The following SLC35F3 variants were observed in gnomAD, a reference collection of about 807,000 sequenced individuals.
SLC35F3 encodes putative thiamine transporter SLC35F3.
A neutral mutation model predicts 49.9 loss-of-function variants in SLC35F3; 25 were observed. The observed-to-expected ratio is 0.50, with a 90% CI of 0.37 to 0.70. The LOEUF is 0.70. SLC35F3 is among the 30% of genes least tolerant of loss of function. SLC35F3 has a pLI of 0.00. For missense variants in SLC35F3, 525 were observed against 639.8 expected (o/e 0.82, Z 1.94); for synonymous variants, 275 against 265.4 (o/e 1.04, Z -0.35).
At chr1:234,283,095 A>T (rs1024071595) in intron 3 of SLC35F3, among the ~76,000 whole-genome samples, 1 of 152,216 alleles carries the variant, frequency 6.6e-6, no homozygotes, top group African/African-American at 2.4e-5. Context: ...GCACATGAGT[A>T]GCATCAGGGC....
intron 3 of SLC35F3, among the ~76,000 whole-genome samples, chr1:234,269,250 C>CA (rs1475714640): frequency 1.3e-5 from 2 of 151,790 alleles, no homozygotes; most frequent in East Asian, 1.9e-4. Context: ...TTAACAGAAG[C>CA]AAAAAAGGGG....
intron 2 of SLC35F3, among the ~76,000 whole-genome samples, chr1:233,993,922 G>GA (rs1663408378): frequency 6.6e-6 from 1 of 152,202 alleles, no homozygotes; most frequent in Non-Finnish European, 1.5e-5. Flanking sequence ...AAATGAATCA[G>GA]AGTGAGGTGT....
Position 234,214,695 on chromosome 1 carries a change from G to A in SLC35F3, c.284-16722G>A, listed in dbSNP as rs370251028. The A allele has an allele frequency of 1.5e-6, 2 of 1,328,596 alleles. No homozygotes were observed. The highest frequency in any genetic ancestry group is 2.0e-6 in the Non-Finnish European group (2 of 1,012,618). 82.3% of individuals were successfully genotyped at this position (1,328,596 alleles called of 1,614,324 possible). On this transcript the variant is annotated intron_variant, in intron 2 of 7. Transcript: ENST00000366618. This position sits in a 1 kb window ranked among gnomAD's most constrained non-coding sequence, Gnocchi z 8.0. ...TGGGGGTACTGCTCCCCCAGGACGC[G>A]GCTCCGCAGTGCAGAGCGCCGCCGC...
chr1:234,058,572 T>C (rs754105275), intron 2 of SLC35F3, among the ~76,000 whole-genome samples: 18 of 152,116 alleles, frequency 1.2e-4, no homozygotes, highest in Non-Finnish European at 2.5e-4. Flanking sequence ...TCAGAACTTC[T>C]GGCCTGAAAT....
chr1:234,321,250 A>T (rs1471376813), intron 7 of SLC35F3, among the ~76,000 whole-genome samples: 1 of 152,092 alleles, frequency 6.6e-6, no homozygotes, highest in Non-Finnish European at 1.5e-5. Flanking sequence ...GGCCTGGGGG[A>T]GGTGTCAGGA....
At chr1:234,267,533 C>T (rs1280424326) in intron 3 of SLC35F3, among the ~76,000 whole-genome samples, 10 of 148,442 alleles carry the variant, frequency 6.7e-5, no homozygotes, top group Middle Eastern at 3.5e-3. Context: ...CCCTCCCGGA[C>T]GGGGCGGCTG....
At chr1:233,964,645 A>G (rs1357322176) in intron 2 of SLC35F3, among the ~76,000 whole-genome samples, 6 of 152,224 alleles carry the variant, frequency 3.9e-5, no homozygotes, top group Admixed American at 2.0e-4. Flanking sequence ...AGAGCTAAAC[A>G]ATGGGAGAAG....
intron 2 of SLC35F3, among the ~76,000 whole-genome samples, chr1:234,143,425 A>T (rs952302081): frequency 2.0e-5 from 3 of 151,454 alleles, no homozygotes; most frequent in Admixed American, 2.0e-4. Flanking sequence ...AGTAGCTGGG[A>T]TTATAGGTGC....
chr1:233,998,637 A>G (rs746913303), intron 2 of SLC35F3, among the ~76,000 whole-genome samples: 4 of 151,894 alleles, frequency 2.6e-5, no homozygotes, highest in Non-Finnish European at 4.4e-5. Context: ...GAACTGTTCA[A>G]CTCAGTAGAC....
chr1:234,072,602 A>C (rs12122865), intron 2 of SLC35F3, among the ~76,000 whole-genome samples: 1,919 of 152,294 alleles, frequency 0.013, 26 homozygotes, highest in Non-Finnish European at 0.018. Flanking sequence ...AGTATCTCTG[A>C]TGTGAAGATA....
intron 2 of SLC35F3, among the ~76,000 whole-genome samples, chr1:233,951,258 G>C (rs1197950579): frequency 1.3e-5 from 2 of 151,946 alleles, no homozygotes; most frequent in African/African-American, 4.8e-5. Flanking sequence ...CTATCACCTA[G>C]TGACATCATA....
At chr1:234,012,121 T>C (rs184806362) in intron 2 of SLC35F3, among the ~76,000 whole-genome samples, 95 of 152,350 alleles carry the variant, frequency 6.2e-4, no homozygotes, top group Non-Finnish European at 1.2e-3. Flanking sequence ...GGAGGCACTA[T>C]GCCTGGATGT....
At chr1:233,987,018 C>T (rs545707293) in intron 2 of SLC35F3, among the ~76,000 whole-genome samples, 17 of 152,178 alleles carry the variant, frequency 1.1e-4, no homozygotes, top group Non-Finnish European at 2.4e-4. Context: ...AGGCTGGGAG[C>T]ACTCATGCTT....
rs146106412 is a variant in SLC35F3, at chr1:234,058,939, A to G, written c.283+153181A>G. Reference sequence around the variant, plus strand: ...TCTGGCAATTTGTCCATTTCATCTAAGTTATCTGATTTATCTGCATACAAT... The same window carrying G: ...TCTGGCAATTTGTCCATTTCATCTAGGTTATCTGATTTATCTGCATACAAT... On this transcript the variant is annotated intron_variant, in intron 2 of 7. Transcript: ENST00000366618. 1.3e-4 allele frequency among the ~76,000 whole-genome samples: 20 copies of G among 152,124 alleles called. No individual in the cohort carries two copies. In the East Asian group the frequency reaches 3.9e-3, roughly 29 times the overall value.
chr1:234,193,035 C>A (rs1425879491), intron 2 of SLC35F3, among the ~76,000 whole-genome samples: 1 of 152,110 alleles, frequency 6.6e-6, no homozygotes, highest in Non-Finnish European at 1.5e-5. Flanking sequence ...AAGCAACCTA[C>A]AAATTTAATG....
chr1:234,042,986 A>G (rs1664244245), intron 2 of SLC35F3, among the ~76,000 whole-genome samples: 1 of 152,244 alleles, frequency 6.6e-6, no homozygotes, highest in South Asian at 2.1e-4. Context: ...TAATATGCTT[A>G]TAACTTTATG....
intron 2 of SLC35F3, among the ~76,000 whole-genome samples, chr1:234,194,870 C>A (rs1286375361): frequency 1.3e-5 from 2 of 150,454 alleles, no homozygotes; most frequent in Non-Finnish European, 2.9e-5. Flanking sequence ...GTCCTGTTAG[C>A]CCACACTGCA....
intron 2 of SLC35F3, among the ~76,000 whole-genome samples, chr1:234,210,079 G>C (rs1188640571): frequency 1.3e-5 from 2 of 152,124 alleles, no homozygotes; most frequent in Non-Finnish European, 1.5e-5. Context: ...GTTCTCATGA[G>C]AGTGAGTAAG....
At chr1:233,986,379 G>A (rs1379226645) in intron 2 of SLC35F3, among the ~76,000 whole-genome samples, 1 of 151,944 alleles carries the variant, frequency 6.6e-6, no homozygotes, top group East Asian at 1.9e-4. Flanking sequence ...ATAAATGTTT[G>A]TTCTGAATAT....
Sources: allele counts gnomAD v4.1 joint callset (sites outside exome capture counted in the v4.1 genomes callset), GRCh38; gene constraint gnomAD v4.1.1; non-coding constraint Gnocchi (gnomAD v3.1); transcripts MANE v1.5; gene names NCBI Gene and HGNC (gene_info 2026-07-23, HGNC 2026-07-21).